The following NKAIN2 variants were observed in gnomAD, a reference collection of about 807,000 sequenced individuals.
NKAIN2 encodes the protein sodium/potassium-transporting ATPase subunit beta-1-interacting protein 2.
A neutral mutation model predicts 32.6 loss-of-function variants in NKAIN2; 14 were observed. The ratio of observed to expected loss-of-function variants is 0.43; its 90% CI spans 0.28 to 0.67. The LOEUF (loss-of-function observed/expected upper bound fraction) is 0.67. Ranked by LOEUF, NKAIN2 falls within the 30% of genes least tolerant of loss-of-function variation. The probability of loss-of-function intolerance (pLI) is 0.17; values close to 1 mark genes in which losing one functional copy is unlikely to be tolerated. For synonymous variants in NKAIN2, 80 were observed against 87.2 expected (o/e 0.92, Z 0.46); for missense variants, 198 against 258.3 (o/e 0.77, Z 1.60).
intron 4 of NKAIN2, among the ~76,000 whole-genome samples, chr6:124,690,852 T>G (rs1228896139): frequency 6.6e-6 from 1 of 152,204 alleles, no homozygotes; most frequent in Non-Finnish European, 1.5e-5. Context: ...AAAGTCACAC[T>G]TTCCTCCTAA....
intron 1 of NKAIN2, among the ~76,000 whole-genome samples, chr6:124,141,326 T>C (rs1013121952): frequency 1.3e-5 from 2 of 152,186 alleles, no homozygotes; most frequent in Non-Finnish European, 2.9e-5. Context: ...TTTCCACCAG[T>C]CTAGCCCAAG....
chr6:123,816,839 G>T lies in NKAIN2; in HGVS notation c.54+12585G>T, dbSNP rs142362309. Among the ~76,000 whole-genome samples, 3 of 152,286 alleles carry T rather than the reference G, an allele frequency of 2.0e-5. No homozygotes were observed. The East Asian group carries it at 5.8e-4, about 29-fold the overall frequency. On this transcript the variant is annotated intron_variant, in intron 1 of 6. Transcript: ENST00000368417. ...TGAAGAGGAACACTTCATGGATGACGCAAGGCCCTTGATTGGCCACCTAAT... is the reference window on the plus strand; with the variant it reads ...TGAAGAGGAACACTTCATGGATGACTCAAGGCCCTTGATTGGCCACCTAAT...
chr6:124,731,803 T>C (rs1228359319), intron 4 of NKAIN2, among the ~76,000 whole-genome samples: 1 of 152,112 alleles, frequency 6.6e-6, no homozygotes, highest in Non-Finnish European at 1.5e-5. Context: ...TCACTTTTCT[T>C]CTAAGAAGCT....
chr6:123,997,018 C>G (rs1359426335), intron 1 of NKAIN2, among the ~76,000 whole-genome samples: 1 of 152,014 alleles, frequency 6.6e-6, no homozygotes, highest in African/African-American at 2.4e-5. Flanking sequence ...AGATTTTGTC[C>G]TTAAAATAAT....
intron 1 of NKAIN2, among the ~76,000 whole-genome samples, chr6:123,934,675 A>G (rs1456566276): frequency 1.3e-5 from 2 of 152,076 alleles, no homozygotes; most frequent in African/African-American, 2.4e-5. Flanking sequence ...ACTCTAAAAA[A>G]TAAGCTGGCT....
intron 1 of NKAIN2, among the ~76,000 whole-genome samples, chr6:124,155,865 T>C (rs1294365225): frequency 6.6e-6 from 1 of 152,016 alleles, no homozygotes; most frequent in Non-Finnish European, 1.5e-5. Flanking sequence ...CATTTCATAT[T>C]GTTTCCTTGG....
At chr6:124,580,804 G>T (rs893980936) in intron 3 of NKAIN2, among the ~76,000 whole-genome samples, 7 of 151,912 alleles carry the variant, frequency 4.6e-5, no homozygotes, top group Non-Finnish European at 8.8e-5. Flanking sequence ...TGAAAATAAA[G>T]GGATGGAAAA....
chr6:123,981,074 G>A (rs1428625170), intron 1 of NKAIN2, among the ~76,000 whole-genome samples: 1 of 151,982 alleles, frequency 6.6e-6, no homozygotes, highest in Non-Finnish European at 1.5e-5. Flanking sequence ...TCACCATGTT[G>A]GCCAGGATGG....
intron 1 of NKAIN2, among the ~76,000 whole-genome samples, chr6:123,998,530 G>A (rs1779730545): frequency 6.6e-6 from 1 of 151,840 alleles, no homozygotes; most frequent in African/African-American, 2.4e-5. Context: ...TCCAAATTTG[G>A]GGCAAATCTG....
Position 124,713,959 on chromosome 6 carries a change from G to A in NKAIN2, c.474+55573G>A, listed in dbSNP as rs151302380. On this transcript the variant is annotated intron_variant, in intron 4 of 6. Transcript: ENST00000368417. ...TCCAAGAAGTTTATTTGCTCATCTA[G>A]CAACTTTAAAATTGGTTTGGACAAA... is the stretch of plus-strand genomic sequence containing the variant. Among the ~76,000 whole-genome samples the A allele has an allele frequency of 1.1e-3, 171 of 152,278 alleles. 1 individual carries two copies. Among genetic ancestry groups the A allele is most frequent in the Non-Finnish European group, 1.9e-3 (129 of 68,030 alleles).
At chr6:124,544,151 A>AG (rs773385021) in intron 3 of NKAIN2, among the ~76,000 whole-genome samples, 1 of 152,138 alleles carries the variant, frequency 6.6e-6, no homozygotes, top group Non-Finnish European at 1.5e-5. Context: ...TAGTCAAGTG[A>AG]ACTTTCTTGT....
chr6:124,496,722 A>G (rs1157035471), intron 3 of NKAIN2, among the ~76,000 whole-genome samples: 1 of 152,176 alleles, frequency 6.6e-6, no homozygotes, highest in East Asian at 1.9e-4. Context: ...TGAGGAATAC[A>G]TAGCATATCA....
At chr6:124,712,833 A>T (rs1775569330) in intron 4 of NKAIN2, among the ~76,000 whole-genome samples, 1 of 151,806 alleles carries the variant, frequency 6.6e-6, no homozygotes, top group South Asian at 2.1e-4. Context: ...CCTCCCCCTA[A>T]ACTCTAGTTG....
rs78835253 is a variant in NKAIN2 at position 124,702,052 on chromosome 6, C to T, written c.474+43666C>T. Among the ~76,000 whole-genome samples, 1,483 of 152,128 alleles carry T rather than the reference C, an allele frequency of 9.7e-3. 12 individuals are homozygous for T. Among genetic ancestry groups the T allele is most frequent in the Non-Finnish European group, 0.015 (1,047 of 67,966 alleles). On this transcript the variant is annotated intron_variant, in intron 4 of 6. Coordinates refer to ENST00000368417, the MANE Select transcript of NKAIN2 (RefSeq NM_001040214.3). ...AACTATTGGTATGTTCAAAACATTC[C>T]TCATGGAAGAATAGTTTGAAGTTGG...
intron 4 of NKAIN2, among the ~76,000 whole-genome samples, chr6:124,741,412 T>C (rs918212726): frequency 6.6e-6 from 1 of 151,792 alleles, no homozygotes; most frequent in Non-Finnish European, 1.5e-5. Flanking sequence ...GTAGAAATGG[T>C]TTTTCGATTT....
At position 124,162,320 on chromosome 6, in the gene NKAIN2, T is replaced by C. The variant is rs541055010; in HGVS notation, c.55-120685T>C. On this transcript the variant is annotated intron_variant, in intron 1 of 6. Transcript: ENST00000368417. ...TGGAAGACTTCTTCTACTCAAGTTA[T>C]TATCCACTTTTCATCCAGTTTTCCC... Among the ~76,000 whole-genome samples, 3 of 152,250 alleles carry C rather than the reference T, an allele frequency of 2.0e-5. No individual in the cohort carries two copies. In the East Asian group the frequency reaches 5.8e-4, roughly 29 times the overall value.
rs962539733 is a variant in NKAIN2 at position 124,791,481 on chromosome 6, A to G, written c.535+82A>G. 1.6e-5 allele frequency: 14 copies of G among 879,680 alleles called. No individual in the cohort carries two copies. In the African/African-American group the frequency reaches 2.0e-4, roughly 12 times the overall value. The allele number at this position is 879,680 out of a possible 1,614,324, so 54.5% of individuals were successfully genotyped here. On this transcript the variant is annotated intron_variant, in intron 5 of 6. Transcript: ENST00000368417. ...CTCCTACTTAGCCTTCCTATTCCTC[A>G]GACAAGATCCTACAACACAGCATTA...
chr6:124,562,739 T>C (rs1780742822), intron 3 of NKAIN2, among the ~76,000 whole-genome samples: 1 of 152,162 alleles, frequency 6.6e-6, no homozygotes, highest in Non-Finnish European at 1.5e-5. Flanking sequence ...TGTTTTACCT[T>C]TTGCAAGTCT....
At chr6:124,022,635 A>G (rs1780916463) in intron 1 of NKAIN2, among the ~76,000 whole-genome samples, 1 of 152,236 alleles carries the variant, frequency 6.6e-6, no homozygotes, top group Non-Finnish European at 1.5e-5. Context: ...ATAAACAATA[A>G]CTTGCTCAGT....
Sources: allele counts gnomAD v4.1 joint callset (sites outside exome capture counted in the v4.1 genomes callset), GRCh38; gene constraint gnomAD v4.1.1; transcripts MANE v1.5; gene names NCBI Gene and HGNC (gene_info 2026-07-23, HGNC 2026-07-21).